The following FAM174B variants were observed in gnomAD, a reference collection of about 807,000 sequenced individuals.
FAM174B encodes membrane protein FAM174B.
In FAM174B, 12 loss-of-function variants were observed where a neutral mutation model predicts 10.9. The observed-to-expected ratio is 1.10, with a 90% CI of 0.71 to 1.79. The LOEUF (loss-of-function observed/expected upper bound fraction) is 1.79, where lower values mean the gene tolerates loss of function less well. Ranked by LOEUF, FAM174B falls within the 40% of genes most tolerant of loss-of-function variation. The pLI, the probability that FAM174B is intolerant of heterozygous loss-of-function variation, is 0.00. For missense variants in FAM174B, 266 were observed against 233.3 expected (o/e 1.14, Z -0.91); for synonymous variants, 132 against 115.8 (o/e 1.14, Z -0.90).
chr15:92,644,710 A>G (rs997088907), intron 1 of FAM174B, among the ~76,000 whole-genome samples: 3 of 152,244 alleles, frequency 2.0e-5, no homozygotes, highest in East Asian at 3.9e-4. Context: ...GAGCAGCAGG[A>G]CTGCTGAGAC....
chr15:92,654,758 C>G (rs1257701856), intron 1 of FAM174B, among the ~76,000 whole-genome samples: 1 of 151,058 alleles, frequency 6.6e-6, no homozygotes, highest in Admixed American at 6.6e-5. Flanking sequence ...TCTACTACCC[C>G]CCACACTAGA....
At chr15:92,633,156 C>T (rs1469750277) in intron 1 of FAM174B, among the ~76,000 whole-genome samples, 1 of 152,162 alleles carries the variant, frequency 6.6e-6, no homozygotes, top group Non-Finnish European at 1.5e-5. Context: ...ATCAGGTTCC[C>T]TACACATTCT....
intron 1 of FAM174B, among the ~76,000 whole-genome samples, chr15:92,634,976 A>T (rs1190414839): frequency 6.6e-6 from 1 of 152,128 alleles, no homozygotes; most frequent in African/African-American, 2.4e-5. Context: ...GTGAGTCTGC[A>T]GCTTGTCCGC....
chr15:92,650,544 C>T (rs1328495534), intron 1 of FAM174B, among the ~76,000 whole-genome samples: 1 of 152,182 alleles, frequency 6.6e-6, no homozygotes, highest in East Asian at 1.9e-4. Context: ...ATGAAAGGAA[C>T]GTTGTGGTTT....
At position 92,617,737 on chromosome 15, in the gene FAM174B, G is replaced by T. The variant is rs778421614; in HGVS notation, c.*1719C>A. Reference sequence around the variant, plus strand: ...GTCACCACTCAGGCCTGAGTACACCGTGGAGAGGAGAGATAAAGCAGCCAC... The same window carrying T: ...GTCACCACTCAGGCCTGAGTACACCTTGGAGAGGAGAGATAAAGCAGCCAC... On this transcript the variant is annotated 3_prime_UTR_variant, in exon 3 of 3. Coordinates refer to ENST00000327355, the MANE Select transcript of FAM174B (RefSeq NM_207446.3). 2.4e-5 allele frequency: 15 copies of T among 618,920 alleles called. 1 individual carries two copies. The Admixed American group carries it at 4.3e-4, about 18-fold the overall frequency. 38.3% of individuals were successfully genotyped at this position (618,920 alleles called of 1,614,324 possible).
intron 1 of FAM174B, among the ~76,000 whole-genome samples, chr15:92,631,890 G>A (rs1054169161): frequency 2.0e-5 from 3 of 152,160 alleles, no homozygotes; most frequent in African/African-American, 7.2e-5. Flanking sequence ...GTCACAGCCT[G>A]ACGCTTGAGG....
chr15:92,651,636 C>A (rs1321037109), intron 1 of FAM174B, among the ~76,000 whole-genome samples: 1 of 152,214 alleles, frequency 6.6e-6, no homozygotes, highest in Non-Finnish European at 1.5e-5. Flanking sequence ...CAGTATTCTG[C>A]CATAAAGATT....
At chr15:92,642,796 C>T (rs576810754) in intron 1 of FAM174B, among the ~76,000 whole-genome samples, 1 of 152,298 alleles carries the variant, frequency 6.6e-6, no homozygotes, top group South Asian at 2.1e-4. Context: ...CAATATCTAT[C>T]TATTGATGAA....
At chr15:92,627,810 A>G (rs565692180) in intron 2 of FAM174B, among the ~76,000 whole-genome samples, 1 of 152,344 alleles carries the variant, frequency 6.6e-6, no homozygotes, top group Non-Finnish European at 1.5e-5. Flanking sequence ...TTTGACTGTG[A>G]ATAGTAATAA....
chr15:92,655,140 C>T (rs2050992804), intron 1 of FAM174B, 176 bp downstream of exon 1: 2 of 806,672 alleles, frequency 2.5e-6, no homozygotes, highest in East Asian at 3.3e-5. Flanking sequence ...CCAGGAAAAT[C>T]CAGACGAGCA....
intron 1 of FAM174B, among the ~76,000 whole-genome samples, chr15:92,640,987 AT>A (rs1451121671): frequency 1.3e-5 from 2 of 152,158 alleles, no homozygotes; most frequent in Non-Finnish European, 2.9e-5. Context: ...CTTAATATAT[AT>A]ATAGTCCCTA....
rs755475056 is a variant in FAM174B at position 92,619,397 on chromosome 15, C to T, written c.*59G>A. ...GAGGGCTTCCAGGTCCAGTCCTTCA[C>T]ACCCCAGGTTGCAGCTGACCAACTT... On this transcript the variant is annotated 3_prime_UTR_variant, in exon 3 of 3. Transcript: ENST00000327355. 11 of 1,610,156 alleles carry T rather than the reference C, an allele frequency of 6.8e-6. No homozygotes were observed. Among genetic ancestry groups the T allele is most frequent in the East Asian group, 2.2e-5 (1 of 44,878 alleles).
rs2050997323 is a variant in FAM174B at position 92,655,469 on chromosome 15, C to A, written c.191G>T (p.Gly64Val). Residue 64 changes from glycine to valine, a missense_variant, in exon 1 of 3, where the codon GGC (glycine) becomes GTC (valine). Transcript: ENST00000327355. ...GCTGTTGGAGCTGGAGCTGCCGCTG[C>A]CGCCCGCCGCCCCAGACCCAAACCG... ...TTRFGSGAAG[G>V]SGSSSSNSSG... The A allele has an allele frequency of 1.3e-6, 2 of 1,556,002 alleles. No homozygotes were observed. Among genetic ancestry groups the A allele is most frequent in the African/African-American group, 1.4e-5 (1 of 71,376 alleles).
intron 1 of FAM174B, among the ~76,000 whole-genome samples, chr15:92,637,103 A>G (rs1038399979): frequency 2.4e-4 from 37 of 152,142 alleles, no homozygotes; most frequent in African/African-American, 8.4e-4. Flanking sequence ...CCAGGAGTGG[A>G]CGTGAGCCTG....
At chr15:92,632,925 G>A (rs1487878333) in intron 1 of FAM174B, among the ~76,000 whole-genome samples, 1 of 152,072 alleles carries the variant, frequency 6.6e-6, no homozygotes, top group Non-Finnish European at 1.5e-5. Context: ...CTCTCTGCAC[G>A]AAGGCTGCGA....
chr15:92,626,330 C>T (rs941267103), intron 2 of FAM174B, among the ~76,000 whole-genome samples: 3 of 152,074 alleles, frequency 2.0e-5, no homozygotes, highest in Non-Finnish European at 4.4e-5. Flanking sequence ...GATCTCCTGA[C>T]CTCGTGATCC....
intron 2 of FAM174B, 158 bp downstream of exon 2, chr15:92,630,056 A>G: frequency 1.8e-6 from 1 of 559,184 alleles, no homozygotes; most frequent in Non-Finnish European, 3.1e-6. Context: ...ATGAAAATGG[A>G]CTAACACAAG....
chr15:92,634,876 A>G (rs1210593960), intron 1 of FAM174B, among the ~76,000 whole-genome samples: 1 of 152,168 alleles, frequency 6.6e-6, no homozygotes, highest in African/African-American at 2.4e-5. Context: ...TCCCTCAAGG[A>G]GTGGGAGAAC....
At chr15:92,647,859 C>G (rs1238279339) in intron 1 of FAM174B, among the ~76,000 whole-genome samples, 1 of 152,114 alleles carries the variant, frequency 6.6e-6, no homozygotes, top group East Asian at 1.9e-4. Flanking sequence ...AAGTCTGGCA[C>G]CTTTTAAGAT....
Sources: gnomAD v4.1 joint callset for allele counts (sites outside exome capture counted in the v4.1 genomes callset) on GRCh38, gnomAD v4.1.1 for gene constraint, MANE v1.5 for transcripts, NCBI Gene and HGNC (gene_info 2026-07-23, HGNC 2026-07-21) for gene names.